GPM6B: variants seen among roughly 807,000 people sequenced by gnomAD.
GPM6B encodes neuronal membrane glycoprotein M6-b.
Under a neutral mutation model 27.2 loss-of-function variants are expected in GPM6B, and 4 were observed. The observed-to-expected ratio is 0.15, with a 90% CI of 0.07 to 0.34. The LOEUF (loss-of-function observed/expected upper bound fraction) is 0.34. Ranked by LOEUF, GPM6B falls within the 10% of genes least tolerant of loss-of-function variation. The probability of loss-of-function intolerance (pLI) is 1.00; values close to 1 mark genes in which losing one functional copy is unlikely to be tolerated. For synonymous variants in GPM6B, 124 were observed against 103.1 expected (o/e 1.20, Z -1.23); for missense variants, 183 against 261.9 (o/e 0.70, Z 2.08).
At chrX:13,813,718 C>T (rs2049181118) in intron 1 of GPM6B, among the ~76,000 whole-genome samples, 1 of 111,929 alleles carries the variant, frequency 8.9e-6, no homozygotes. Context: ...TCAATGGAAA[C>T]CGACTCTCCA....
chrX:13,918,097 A>G (rs765930507), intron 1 of GPM6B, among the ~76,000 whole-genome samples: 1 of 113,144 alleles, frequency 8.8e-6, no homozygotes, highest in African/African-American at 3.2e-5. Flanking sequence ...TCACCAGAAG[A>G]AAGTGCGTTT....
At chrX:13,806,986 C>T (rs908405058) in intron 2 of GPM6B, among the ~76,000 whole-genome samples, 2 of 111,637 alleles carry the variant, frequency 1.8e-5, no homozygotes, top group African/African-American at 6.5e-5. Context: ...TCACCTTTTG[C>T]CCCTTCTAGG....
chrX:13,846,644 C>G (rs1042337844), intron 1 of GPM6B, among the ~76,000 whole-genome samples: 1 of 109,775 alleles, frequency 9.1e-6, no homozygotes, highest in Non-Finnish European at 1.9e-5. Context: ...GCGCCCGCCA[C>G]AATGCCAGAC....
At chrX:13,820,471 C>G (rs2049295778), upstream of GPM6B, among the ~76,000 whole-genome samples, 1 of 110,836 alleles carries the variant, frequency 9.0e-6, no homozygotes, top group Non-Finnish European at 1.9e-5. Flanking sequence ...CCTGCAGGGA[C>G]TAAGAGGCAT....
intron 1 of GPM6B, among the ~76,000 whole-genome samples, chrX:13,888,271 A>G (rs967090382): frequency 8.9e-6 from 1 of 112,468 alleles, no homozygotes; most frequent in African/African-American, 3.2e-5. Context: ...GCTTTCAATC[A>G]TAACAGATCT....
intron 7 of GPM6B, among the ~76,000 whole-genome samples, chrX:13,775,648 A>C (rs1185631923): frequency 8.9e-6 from 1 of 112,040 alleles, no homozygotes; most frequent in Non-Finnish European, 1.9e-5. Context: ...AATCAACAAT[A>C]TATATTAAAT....
intron 1 of GPM6B, among the ~76,000 whole-genome samples, chrX:13,877,455 A>C (rs971741254): frequency 1.2e-4 from 13 of 110,702 alleles, no homozygotes; most frequent in Middle Eastern, 9.2e-3. Flanking sequence ...TGAAGTATTA[A>C]GAAAAAGAAG....
intron 1 of GPM6B, among the ~76,000 whole-genome samples, chrX:13,858,494 G>T (rs2049806775): frequency 9.0e-6 from 1 of 111,483 alleles, no homozygotes; most frequent in South Asian, 3.8e-4. Context: ...CTCAGAATTG[G>T]AAGAGGACAT....
chrX:13,851,163 C>CAAAA (rs10652819), intron 1 of GPM6B, among the ~76,000 whole-genome samples: 56 of 60,082 alleles, frequency 9.3e-4, no homozygotes, highest in Non-Finnish European at 1.1e-3. Context: ...ACTCCATCTC[C>CAAAA]AAAAAAAAAA....
At chrX:13,898,966 T>C (rs1414869128) in intron 1 of GPM6B, among the ~76,000 whole-genome samples, 2 of 111,789 alleles carry the variant, frequency 1.8e-5, no homozygotes, top group Non-Finnish European at 3.8e-5. Context: ...TAACTGAAGA[T>C]ACAGAACATG....
intron 2 of GPM6B, among the ~76,000 whole-genome samples, chrX:13,796,318 G>A (rs942374585): frequency 2.7e-5 from 3 of 111,555 alleles, no homozygotes; most frequent in Non-Finnish European, 5.7e-5. Context: ...ATCTGCCCAC[G>A]TTGGCCTCCC....
At chrX:13,784,814 C>G (rs60450572) in intron 3 of GPM6B, among the ~76,000 whole-genome samples, 2,562 of 111,367 alleles carry the variant, frequency 0.023, 66 homozygotes, top group African/African-American at 0.067. Flanking sequence ...GGAGGATGCC[C>G]TGGGATCTGC....
chrX:13,834,419 A>G (rs1437176785), intron 1 of GPM6B, among the ~76,000 whole-genome samples: 1 of 112,660 alleles, frequency 8.9e-6, no homozygotes, highest in Non-Finnish European at 1.9e-5. Context: ...AGCACAATAG[A>G]GAAGACAACA....
intron 1 of GPM6B, among the ~76,000 whole-genome samples, chrX:13,847,426 A>G (rs191988515): frequency 7.1e-5 from 8 of 112,413 alleles, no homozygotes; most frequent in African/African-American, 2.6e-4. Flanking sequence ...CTCCATCTAA[A>G]CTCTAACATA....
At chrX:13,901,480 T>C (rs1270653745) in intron 1 of GPM6B, among the ~76,000 whole-genome samples, 1 of 110,593 alleles carries the variant, frequency 9.0e-6, no homozygotes, top group African/African-American at 3.3e-5. Flanking sequence ...AAAATTATTC[T>C]TGCTCAATCC....
intron 1 of GPM6B, among the ~76,000 whole-genome samples, chrX:13,880,166 CCA>C (rs777982523): frequency 2.7e-5 from 3 of 111,486 alleles, no homozygotes; most frequent in Non-Finnish European, 5.6e-5. Context: ...AAATGGCAGG[CCA>C]CGTTAGCGTA....
chrX:13,935,497 A>G (rs764694784), intron 1 of GPM6B, among the ~76,000 whole-genome samples: 1 of 111,805 alleles, frequency 8.9e-6, no homozygotes, highest in Non-Finnish European at 1.9e-5. Flanking sequence ...CAGCATGGAC[A>G]GAGTGAGACC....
intron 1 of GPM6B, among the ~76,000 whole-genome samples, chrX:13,837,752 C>T (rs760651954): frequency 3.7e-5 from 2 of 54,270 alleles, no homozygotes; most frequent in Non-Finnish European, 7.8e-5. Context: ...AGCAAAGCTG[C>T]GCTTAGCAAC....
At chrX:13,796,058 C>G (rs1437544721) in intron 2 of GPM6B, among the ~76,000 whole-genome samples, 1 of 111,939 alleles carries the variant, frequency 8.9e-6, no homozygotes, top group Admixed American at 9.5e-5. Context: ...TCCCAAGTAG[C>G]TGGCATTACA....
Sources: allele counts gnomAD v4.1 joint callset (sites outside exome capture counted in the v4.1 genomes callset), GRCh38; gene constraint gnomAD v4.1.1; transcripts MANE v1.5; gene names NCBI Gene and HGNC (gene_info 2026-07-23, HGNC 2026-07-21).